The following SMOC2 variants were observed in gnomAD, a reference collection of about 807,000 sequenced individuals.
SMOC2 encodes the protein SPARC-related modular calcium-binding protein 2.
Under a neutral mutation model 61.4 loss-of-function variants are expected in SMOC2, and 39 were observed. The observed-to-expected ratio is 0.64, with a 90% CI of 0.49 to 0.83. The LOEUF is 0.83. SMOC2 is among the 40% of genes least tolerant of loss of function. The pLI, the probability that SMOC2 is intolerant of heterozygous loss-of-function variation, is 0.00. For missense variants in SMOC2, 556 were observed against 592.9 expected (o/e 0.94, Z 0.65); for synonymous variants, 247 against 239.9 (o/e 1.03, Z -0.27).
intron 1 of SMOC2, among the ~76,000 whole-genome samples, chr6:168,442,605 C>T (rs1781240899): frequency 6.6e-6 from 1 of 152,244 alleles, no homozygotes; most frequent in Non-Finnish European, 1.5e-5. Flanking sequence ...TGGCCGGGGA[C>T]TTGTCCTAAA....
intron 8 of SMOC2, among the ~76,000 whole-genome samples, chr6:168,600,144 G>A (rs1488540226): frequency 2.0e-5 from 3 of 152,086 alleles, no homozygotes; most frequent in Non-Finnish European, 4.4e-5. Flanking sequence ...GGTGGTTCAC[G>A]CCTGTAATCC....
rs1785204833 is a variant in SMOC2, at chr6:168,592,339, C to CTGAGCTCCTCCTCCTTCCTGAGGCCTCA, written c.638-6479_638-6478insTGAGCTCCTCCTCCTTCCTGAGGCCTCA. Among the ~76,000 whole-genome samples the CTGAGCTCCTCCTCCTTCCTGAGGCCTCA allele has an allele frequency of 7.1e-5, 7 of 99,258 alleles. 1 individual carries two copies. Among genetic ancestry groups the CTGAGCTCCTCCTCCTTCCTGAGGCCTCA allele is most frequent in the Non-Finnish European group, 9.4e-5 (4 of 42,658 alleles). The allele number at this position is 99,258 out of a possible 152,430, so 65.1% of individuals were successfully genotyped here. ...TCACGGGCGTCTTTCTAGAGGATCT[C>CTGAGCTCCTCCTCCTTCCTGAGGCCTCA]CGAGCTCCTCCTCCTTCCTGAGGCC... On this transcript the variant is annotated intron_variant, in intron 7 of 12. Transcript: ENST00000356284.
chr6:168,521,147 C>A (rs1195910710), intron 2 of SMOC2, among the ~76,000 whole-genome samples: 1 of 152,104 alleles, frequency 6.6e-6, no homozygotes, highest in East Asian at 1.9e-4. Flanking sequence ...GTTTCCATGA[C>A]ATATCTTTTT....
chr6:168,503,366 C>A (rs547422981), intron 1 of SMOC2, among the ~76,000 whole-genome samples: 6 of 152,098 alleles, frequency 3.9e-5, no homozygotes, highest in Non-Finnish European at 7.3e-5. Context: ...GTGTGAGCCA[C>A]CATGCCTGGC....
chr6:168,599,499 C>A (rs1785456091), intron 8 of SMOC2, among the ~76,000 whole-genome samples: 1 of 93,154 alleles, frequency 1.1e-5, no homozygotes, highest in Non-Finnish European at 2.2e-5. Context: ...CCCACACACC[C>A]ACTGACACTC....
intron 9 of SMOC2, among the ~76,000 whole-genome samples, chr6:168,631,303 T>G (rs1233383562): frequency 6.6e-6 from 1 of 152,134 alleles, no homozygotes; most frequent in Non-Finnish European, 1.5e-5. Flanking sequence ...CCCGATACTG[T>G]CCCACAAAAG....
intron 7 of SMOC2, among the ~76,000 whole-genome samples, chr6:168,581,025 G>A (rs185800607): frequency 2.2e-4 from 34 of 152,240 alleles, no homozygotes; most frequent in African/African-American, 7.0e-4. Flanking sequence ...ATGAATGCCC[G>A]TCATAGGCAC....
intron 2 of SMOC2, among the ~76,000 whole-genome samples, chr6:168,523,550 G>A (rs1210968569): frequency 1.6e-5 from 1 of 62,570 alleles, no homozygotes; most frequent in Non-Finnish European, 5.4e-5. Context: ...ACCATGCCTG[G>A]CTAATTTTTT....
rs2115203561 is a variant in SMOC2 at position 168,608,166 on chromosome 6, G to A, written c.834G>A (p.Gln278=). 6.2e-7 allele frequency: 1 copy of A among 1,613,722 alleles called. No individual in the cohort carries two copies. The change falls in exon 9 of 13, where the codon CAG becomes CAA. Residue 278 remains glutamine (Q), a synonymous_variant. Transcript: ENST00000356284. ...PIPGTSTRYE[Q]PKCDNTARAH... ...TTCCCCCCGCCCATAGGTACGAGCA[G>A]CCGAAATGTGACAACACGGCCAGGG...
At chr6:168,615,805 G>T (rs1475533334) in intron 9 of SMOC2, among the ~76,000 whole-genome samples, 6 of 152,240 alleles carry the variant, frequency 3.9e-5, no homozygotes, top group African/African-American at 1.2e-4. Context: ...CCAAGCAATT[G>T]CTGGCATAAT....
At chr6:168,570,814 A>C (rs1400532779) in intron 7 of SMOC2, among the ~76,000 whole-genome samples, 1 of 152,252 alleles carries the variant, frequency 6.6e-6, no homozygotes, top group Non-Finnish European at 1.5e-5. Flanking sequence ...TAGATGTCTA[A>C]TTATTTTCAG....
intron 10 of SMOC2, among the ~76,000 whole-genome samples, chr6:168,651,547 T>G (rs1562405342): frequency 1.3e-5 from 2 of 152,182 alleles, no homozygotes; most frequent in African/African-American, 4.8e-5. Flanking sequence ...AGATTTCATC[T>G]TTTTTCTTTC....
chr6:168,503,153 A>C (rs964424352), intron 1 of SMOC2, among the ~76,000 whole-genome samples: 1 of 131,724 alleles, frequency 7.6e-6, no homozygotes, highest in Non-Finnish European at 1.5e-5. Flanking sequence ...ATCTCTGCTC[A>C]CTGCAACCTC....
chr6:168,467,136 A>AACACACACAC (rs10536582), intron 1 of SMOC2, among the ~76,000 whole-genome samples: 2,885 of 133,370 alleles, frequency 0.022, 57 homozygotes, highest in Middle Eastern at 0.028. Context: ...AGTGCTCTCA[A>AACACACACAC]ACACACACAC....
intron 8 of SMOC2, among the ~76,000 whole-genome samples, chr6:168,605,879 G>T (rs892666506): frequency 1.3e-5 from 2 of 152,142 alleles, no homozygotes; most frequent in African/African-American, 2.4e-5. Context: ...GGCCCCTAAG[G>T]GCTGGAACTC....
At chr6:168,590,462 C>T (rs1026616839) in intron 7 of SMOC2, among the ~76,000 whole-genome samples, 2 of 152,034 alleles carry the variant, frequency 1.3e-5, no homozygotes, top group South Asian at 2.1e-4. Context: ...AGGGGGCAGC[C>T]GGCCTGGTGG....
chr6:168,489,763 T>C (rs943351079), intron 1 of SMOC2, among the ~76,000 whole-genome samples: 42 of 145,328 alleles, frequency 2.9e-4, no homozygotes, highest in African/African-American at 8.5e-4. Flanking sequence ...GTCTGGGTCC[T>C]CTTGGATCAC....
rs1307354238 is a variant in SMOC2 at position 168,544,174 on chromosome 6, C to CG, written c.511+506dup. ...ATGTCGCAGCCTGCAGGTCCTGTTT[C>CG]GGGGTCTGCGGGGTCTGTCACATGC... On this transcript the variant is annotated intron_variant, in intron 5 of 12. Transcript: ENST00000356284. This position sits in a 1 kb window ranked among gnomAD's most constrained non-coding sequence, Gnocchi z 4.1. Among the ~76,000 whole-genome samples, 9 of 152,152 alleles carry CG rather than the reference C, an allele frequency of 5.9e-5. No homozygotes were observed. The highest frequency in any genetic ancestry group is 5.9e-4 in the Admixed American group (9 of 15,276).
At chr6:168,468,324 G>A (rs1401494224) in intron 1 of SMOC2, among the ~76,000 whole-genome samples, 2 of 152,230 alleles carry the variant, frequency 1.3e-5, no homozygotes, top group Non-Finnish European at 2.9e-5. Context: ...GGAAGCACAT[G>A]TTCTAAAGTG....
Sources: gnomAD v4.1 joint callset for allele counts (sites outside exome capture counted in the v4.1 genomes callset) on GRCh38, gnomAD v4.1.1 for gene constraint, Gnocchi (gnomAD v3.1) non-coding constraint, MANE v1.5 for transcripts, NCBI Gene and HGNC (gene_info 2026-07-23, HGNC 2026-07-21) for gene names.